Variants in PPP2R2B observed in about 807,000 individuals in gnomAD.
PPP2R2B encodes protein phosphatase 2 regulatory subunit Bbeta.
In PPP2R2B, 5 loss-of-function variants were observed where a neutral mutation model predicts 46.0. The ratio of observed to expected loss-of-function variants is 0.11; its 90% CI spans 0.06 to 0.23. The LOEUF is 0.23. PPP2R2B is among the 10% of genes least tolerant of loss of function. The pLI, the probability that PPP2R2B is intolerant of heterozygous loss-of-function variation, is 1.00. For synonymous variants in PPP2R2B, 215 were observed against 206.7 expected, an observed-to-expected ratio of 1.04 and a Z score of -0.34; for missense variants, 367 against 575.0, an observed-to-expected ratio of 0.64 and a Z score of 3.70.
At chr5:147,080,256 A>G (rs1253885956) in intron 2 of PPP2R2B, among the ~76,000 whole-genome samples, 1 of 152,228 alleles carries the variant, frequency 6.6e-6, no homozygotes, top group Non-Finnish European at 1.5e-5. Context: ...TGTTCACTTC[A>G]TCATTCTTTA....
intron 2 of PPP2R2B, among the ~76,000 whole-genome samples, chr5:146,794,599 A>G (rs1756406347): frequency 6.6e-6 from 1 of 152,198 alleles, no homozygotes; most frequent in Admixed American, 6.6e-5. Context: ...ATGCGCATAT[A>G]ACTCCAATAA....
intron 1 of PPP2R2B, among the ~76,000 whole-genome samples, chr5:146,916,394 G>A (rs1245091904): frequency 1.3e-5 from 2 of 151,904 alleles, no homozygotes; most frequent in East Asian, 1.9e-4. Context: ...TGAATGCTGG[G>A]CAGAGAGTGA....
At chr5:146,677,917 T>C (rs1777855621) in intron 5 of PPP2R2B, among the ~76,000 whole-genome samples, 1 of 152,220 alleles carries the variant, frequency 6.6e-6, no homozygotes, top group African/African-American at 2.4e-5. Flanking sequence ...CATGACTATA[T>C]GTATGGAATC....
chr5:146,862,996 C>A (rs1761098189), intron 2 of PPP2R2B, among the ~76,000 whole-genome samples: 1 of 151,540 alleles, frequency 6.6e-6, no homozygotes, highest in South Asian at 2.1e-4. Flanking sequence ...AAGCATGTTG[C>A]CAGCTGAAGT....
chr5:146,624,766 G>A (rs1386977408), intron 7 of PPP2R2B, among the ~76,000 whole-genome samples: 1 of 152,162 alleles, frequency 6.6e-6, no homozygotes, highest in Non-Finnish European at 1.5e-5. Context: ...AATGTGAATG[G>A]GGGCTGTGTG....
intron 1 of PPP2R2B, among the ~76,000 whole-genome samples, chr5:146,968,347 T>A (rs1391798610): frequency 6.6e-6 from 1 of 152,218 alleles, no homozygotes; most frequent in African/African-American, 2.4e-5. Context: ...TTGTCTTGAA[T>A]ATACATTTGC....
intron 7 of PPP2R2B, among the ~76,000 whole-genome samples, chr5:146,617,369 C>T (rs970971104): frequency 1.2e-4 from 19 of 152,102 alleles, no homozygotes; most frequent in Non-Finnish European, 2.1e-4. Flanking sequence ...ATAACCAGAT[C>T]GTTTGTAACA....
chr5:146,663,324 A>C (rs1456510855), intron 5 of PPP2R2B, among the ~76,000 whole-genome samples: 11 of 152,320 alleles, frequency 7.2e-5, no homozygotes, highest in African/African-American at 2.6e-4. Flanking sequence ...TCTATCCTGG[A>C]GATGGAATAA....
At chr5:147,067,916 G>T (rs1047507415) in intron 2 of PPP2R2B, among the ~76,000 whole-genome samples, 1 of 152,090 alleles carries the variant, frequency 6.6e-6, no homozygotes, top group Non-Finnish European at 1.5e-5. Flanking sequence ...CTCTGACATC[G>T]TGTCTGTAGA....
At chr5:146,933,377 G>A (rs187979321) in intron 1 of PPP2R2B, among the ~76,000 whole-genome samples, 1 of 152,124 alleles carries the variant, frequency 6.6e-6, no homozygotes, top group Non-Finnish European at 1.5e-5. Flanking sequence ...GGTCAAAGCT[G>A]CACCTTAATT....
rs982255831 is a variant in PPP2R2B at position 147,041,002 on chromosome 5, A to G, written c.79+14663T>C. 3.9e-5 allele frequency among the ~76,000 whole-genome samples: 6 copies of G among 152,202 alleles called. No individual in the cohort carries two copies. In the East Asian group the frequency reaches 1.2e-3, roughly 29 times the overall value. On this transcript the variant is annotated intron_variant, in intron 1 of 8. Coordinates refer to the PPP2R2B transcript ENST00000336640. The stretch of plus-strand genomic sequence containing the variant: ...TCACAGAGTTACTACTCAGGTCAGC[A>G]CATTGTTCTAAGGTATTCCCAGGAA...
At chr5:146,893,491 T>C (rs966861659) in intron 1 of PPP2R2B, among the ~76,000 whole-genome samples, 1 of 152,130 alleles carries the variant, frequency 6.6e-6, no homozygotes, top group Non-Finnish European at 1.5e-5. Flanking sequence ...TCAGGTGTCA[T>C]GTCCTATAAA....
chr5:146,808,539 C>T (rs1757330837), intron 2 of PPP2R2B, among the ~76,000 whole-genome samples: 1 of 152,186 alleles, frequency 6.6e-6, no homozygotes, highest in Admixed American at 6.5e-5. Flanking sequence ...AAAGGAAGAA[C>T]TGACCAATCC....
intron 2 of PPP2R2B, among the ~76,000 whole-genome samples, chr5:146,810,849 A>C (rs568463177): frequency 1.3e-5 from 2 of 150,986 alleles, no homozygotes; most frequent in Non-Finnish European, 3.0e-5. Flanking sequence ...CATTAGGTAT[A>C]TCTCCTAATG....
At chr5:146,882,484 A>G (rs942616642), upstream of PPP2R2B, among the ~76,000 whole-genome samples, 8 of 152,230 alleles carry the variant, frequency 5.3e-5, no homozygotes, top group African/African-American at 1.4e-4. Flanking sequence ...TCTGTCCTCA[A>G]GCAAGTTACA....
At chr5:146,653,860 C>A (rs1776150115) in intron 5 of PPP2R2B, among the ~76,000 whole-genome samples, 1 of 152,082 alleles carries the variant, frequency 6.6e-6, no homozygotes, top group African/African-American at 2.4e-5. Context: ...GGATGGAGAG[C>A]TGAATGCCGC....
At chr5:146,677,183 G>A (rs1777785979) in intron 5 of PPP2R2B, among the ~76,000 whole-genome samples, 1 of 152,072 alleles carries the variant, frequency 6.6e-6, no homozygotes, top group Admixed American at 6.5e-5. Context: ...TGTATATTTG[G>A]TTTTGAACTG....
chr5:146,896,739 A>C (rs1439630871), intron 1 of PPP2R2B, among the ~76,000 whole-genome samples: 2 of 151,856 alleles, frequency 1.3e-5, no homozygotes, highest in African/African-American at 4.8e-5. Context: ...TTACACACCT[A>C]CACACATCAA....
intron 2 of PPP2R2B, among the ~76,000 whole-genome samples, chr5:146,725,469 T>C (rs527459616): frequency 3.3e-5 from 5 of 152,218 alleles, no homozygotes; most frequent in Admixed American, 6.5e-5. Context: ...AGGATATGCA[T>C]GCATGCATCT....
Sources: gnomAD v4.1 joint callset for allele counts (sites outside exome capture counted in the v4.1 genomes callset) on GRCh38, gnomAD v4.1.1 for gene constraint, MANE v1.5 for transcripts, NCBI Gene and HGNC (gene_info 2026-07-23, HGNC 2026-07-21) for gene names.